The following AKAIN1 variants were observed in gnomAD, a reference collection of about 807,000 sequenced individuals.
AKAIN1 encodes the protein A-kinase anchor inhibitor 1, also known as A-kinase anchor protein inhibitor 1.
In AKAIN1, 3 loss-of-function variants were observed where a neutral mutation model predicts 3.7. That is an observed-to-expected ratio of 0.82 (90% CI 0.37 to 2.12). The LOEUF (loss-of-function observed/expected upper bound fraction) is 2.12. Ranked by LOEUF, AKAIN1 falls within the 30% of genes most tolerant of loss-of-function variation. The probability of loss-of-function intolerance (pLI) is 0.06; values close to 1 mark genes in which losing one functional copy is unlikely to be tolerated. For synonymous variants in AKAIN1, 31 were observed against 30.8 expected (o/e 1.01, Z -0.02); for missense variants, 82 against 82.7 (o/e 0.99, Z 0.03).
In AKAIN1 at chr18:5,197,225, T is replaced by C. The variant is rs2071354305; in HGVS notation, c.-172A>G. The C allele has an allele frequency of 1.4e-6, 2 of 1,387,196 alleles. No individual in the cohort carries two copies. The highest frequency in any genetic ancestry group is 1.8e-6 in the Non-Finnish European group (2 of 1,081,678). The allele number at this position is 1,387,196 out of a possible 1,614,324, so 85.9% of individuals were successfully genotyped here. ...CGCCGCTAGATCCTGGGGCCGCAGCTCCAGCCGCCGCCGCGCGCTCTGCCT... is the reference window on the plus strand; with the variant it reads ...CGCCGCTAGATCCTGGGGCCGCAGCCCCAGCCGCCGCCGCGCGCTCTGCCT... On this transcript the variant is annotated 5_prime_UTR_variant, in exon 1 of 2. Transcript: ENST00000434239. The surrounding 1 kb of genome is among the most constrained non-coding windows in gnomAD (Gnocchi z 6.9).
chr18:5,174,610 G>A (rs78395313), intron 1 of AKAIN1, among the ~76,000 whole-genome samples: 8 of 152,064 alleles, frequency 5.3e-5, no homozygotes, highest in Non-Finnish European at 7.4e-5. Context: ...GCATGGTGGC[G>A]TGCCCTTACA....
intron 1 of AKAIN1, among the ~76,000 whole-genome samples, chr18:5,175,102 T>A (rs528991725): frequency 6.6e-6 from 1 of 152,168 alleles, no homozygotes; most frequent in Non-Finnish European, 1.5e-5. Context: ...AATGATCTTA[T>A]CTTCATAAGA....
chr18:5,155,135 C>T (rs1167493194), intron 1 of AKAIN1, among the ~76,000 whole-genome samples: 1 of 152,122 alleles, frequency 6.6e-6, no homozygotes, highest in Non-Finnish European at 1.5e-5. Flanking sequence ...ATCTGCCCAC[C>T]TCAGCCTCCC....
At chr18:5,192,425 C>CT (rs1303794513) in intron 1 of AKAIN1, among the ~76,000 whole-genome samples, 4 of 118,594 alleles carry the variant, frequency 3.4e-5, no homozygotes, top group Non-Finnish European at 7.6e-5. Context: ...TTCTTTCTTT[C>CT]TTTCTTTCTT....
At chr18:5,181,477 A>T (rs2071258409) in intron 1 of AKAIN1, among the ~76,000 whole-genome samples, 1 of 152,136 alleles carries the variant, frequency 6.6e-6, no homozygotes, top group Non-Finnish European at 1.5e-5. Flanking sequence ...CCTTGCTGAA[A>T]AGTACATGTG....
intron 1 of AKAIN1, among the ~76,000 whole-genome samples, chr18:5,179,425 A>G (rs1910979): frequency 0.017 from 2,492 of 149,128 alleles, 51 homozygotes; most frequent in African/African-American, 0.051. Context: ...GTATGTGTGT[A>G]TATATATATA....
chr18:5,172,721 T>C (rs940769503), intron 1 of AKAIN1, among the ~76,000 whole-genome samples: 21 of 151,682 alleles, frequency 1.4e-4, no homozygotes, highest in African/African-American at 4.8e-4. Context: ...TAAAAATATA[T>C]AAAAAATTGA....
intron 1 of AKAIN1, among the ~76,000 whole-genome samples, chr18:5,164,791 A>G (rs981513806): frequency 7.9e-5 from 12 of 152,152 alleles, no homozygotes; most frequent in Admixed American, 1.3e-4. Flanking sequence ...GGCAGCTCAT[A>G]ACATTTATAT....
At chr18:5,147,450 T>A (rs1349083463) in intron 1 of AKAIN1, among the ~76,000 whole-genome samples, 1 of 152,192 alleles carries the variant, frequency 6.6e-6, no homozygotes, top group Non-Finnish European at 1.5e-5. Flanking sequence ...TTTATATTTA[T>A]AGTGGTAAAC....
In AKAIN1 at chr18:5,145,260, C is replaced by T. The variant is rs2071041853; in HGVS notation, c.*302G>A. ...AAAAGGCAGAAGTAAATAAACGAGA[C>T]ATAGAATTCTTTTTTTCAAATAAAA... On this transcript the variant is annotated 3_prime_UTR_variant, in exon 2 of 2. Transcript: ENST00000434239. 1 of 248,268 alleles carries T rather than the reference C, an allele frequency of 4.0e-6. No homozygotes were observed. The highest frequency in any genetic ancestry group is 7.8e-6 in the Non-Finnish European group (1 of 128,996). The allele number at this position is 248,268 out of a possible 1,614,324, so 15.4% of individuals were successfully genotyped here.
intron 1 of AKAIN1, among the ~76,000 whole-genome samples, chr18:5,168,834 G>A (rs1378204713): frequency 1.3e-5 from 2 of 150,398 alleles, no homozygotes; most frequent in Non-Finnish European, 3.0e-5. Flanking sequence ...TAATAAACAG[G>A]TGCTTGTTTC....
At chr18:5,181,195 A>C (rs2143370028) in intron 1 of AKAIN1, among the ~76,000 whole-genome samples, 1 of 152,072 alleles carries the variant, frequency 6.6e-6, no homozygotes, top group South Asian at 2.1e-4. Context: ...AGGAGGCTGA[A>C]GTAAGAGGAC....
intron 1 of AKAIN1, among the ~76,000 whole-genome samples, chr18:5,145,984 A>G (rs1336289504): frequency 6.6e-6 from 1 of 152,094 alleles, no homozygotes; most frequent in Non-Finnish European, 1.5e-5. Flanking sequence ...GTGTTTGCAT[A>G]TAATCTACAC....
At chr18:5,178,871 G>A (rs1464066578) in intron 1 of AKAIN1, among the ~76,000 whole-genome samples, 3 of 152,170 alleles carry the variant, frequency 2.0e-5, no homozygotes, top group African/African-American at 7.2e-5. Flanking sequence ...TAGTAATGGG[G>A]TGAGCTGGAA....
chr18:5,145,587 A>G lies in AKAIN1; in HGVS notation c.185T>C (p.Leu62Ser). The G allele has an allele frequency of 1.3e-6, 2 of 1,551,550 alleles. No individual in the cohort carries two copies. Among genetic ancestry groups the G allele is most frequent in the Non-Finnish European group, 1.7e-6 (2 of 1,146,926 alleles). ...TTACTTCTTTTCGTGCTTCTTGGTT[A>G]ACTCCCCAACGCCCAGTTGGATGTG... ...RDHIQLGVGE[L>S]TKKHEKK Residue 62 changes from leucine to serine, a missense_variant, in exon 2 of 2, where the codon TTA becomes TCA. By Grantham distance (145) the Leu-to-Ser change is moderately radical (BLOSUM62 -2). Coordinates refer to ENST00000434239, the MANE Select transcript of AKAIN1 (RefSeq NM_001145194.2).
intron 1 of AKAIN1, among the ~76,000 whole-genome samples, chr18:5,152,887 G>C (rs1161529909): frequency 1.3e-5 from 2 of 152,208 alleles, no homozygotes; most frequent in East Asian, 3.9e-4. Flanking sequence ...CCTGGGCCTG[G>C]GGTCCTGGGG....
rs2071030424 is a variant in AKAIN1 at position 5,143,149 on chromosome 18, G to A, written c.*2413C>T. The stretch of plus-strand genomic sequence containing the variant: ...ATCTGGTTTATGATGATAATCAAGT[G>A]GAAATCCACCTTAATCCTATGTCAA... On this transcript the variant is annotated 3_prime_UTR_variant, in exon 2 of 2. Transcript: ENST00000434239. 6.6e-6 allele frequency among the ~76,000 whole-genome samples: 1 copy of A among 152,140 alleles called. No homozygotes were observed. The highest frequency in any genetic ancestry group is 6.6e-5 in the Admixed American group (1 of 15,258).
In AKAIN1 at chr18:5,144,845, CTTATT is replaced by C. The variant is rs1218807989; in HGVS notation, c.*712_*716del. On this transcript the variant is annotated 3_prime_UTR_variant, in exon 2 of 2. Coordinates refer to ENST00000434239, the MANE Select transcript of AKAIN1 (RefSeq NM_001145194.2). ...AACTCACATGTGTAGACTCACTTGT[CTTATT>C]TTATTTAATCTTGAGAAAAGAAATC... 1.3e-5 allele frequency among the ~76,000 whole-genome samples: 2 copies of C among 152,048 alleles called. No homozygotes were observed. The highest frequency in any genetic ancestry group is 2.9e-5 in the Non-Finnish European group (2 of 68,010).
intron 1 of AKAIN1, among the ~76,000 whole-genome samples, chr18:5,183,358 T>C (rs1291161010): frequency 6.6e-6 from 1 of 152,090 alleles, no homozygotes; most frequent in African/African-American, 2.4e-5. Flanking sequence ...AATGACTAGT[T>C]GAATGATACT....
Sources: gnomAD v4.1 joint callset for allele counts (sites outside exome capture counted in the v4.1 genomes callset) on GRCh38, gnomAD v4.1.1 for gene constraint, Gnocchi (gnomAD v3.1) non-coding constraint, MANE v1.5 for transcripts, NCBI Gene and HGNC (gene_info 2026-07-23, HGNC 2026-07-21) for gene names.